UNC13C: variants seen among roughly 807,000 people sequenced by gnomAD.
UNC13C encodes unc-13 homolog C.
In UNC13C, 174 loss-of-function variants were observed where a neutral mutation model predicts 245.4. The observed-to-expected ratio is 0.71, with a 90% CI of 0.63 to 0.80. The LOEUF (loss-of-function observed/expected upper bound fraction) is 0.80, where lower values mean the gene tolerates loss of function less well. Ranked by LOEUF, UNC13C falls within the 30% of genes least tolerant of loss-of-function variation. The pLI is 0.00. For missense variants in UNC13C, 2,829 were observed against 2,602.9 expected, an observed-to-expected ratio of 1.09 and a Z score of -1.89; for synonymous variants, 992 against 895.1, an observed-to-expected ratio of 1.11 and a Z score of -1.93.
chr15:54,344,319 T>C (rs1596256885), intron 17 of UNC13C, among the ~76,000 whole-genome samples: 2 of 152,182 alleles, frequency 1.3e-5, no homozygotes, highest in African/African-American at 4.8e-5. Context: ...CGTAGGTAGT[T>C]CCCATAAAGC....
chr15:54,136,318 T>C (rs1474814717), intron 2 of UNC13C, among the ~76,000 whole-genome samples: 1 of 152,008 alleles, frequency 6.6e-6, no homozygotes, highest in African/African-American at 2.4e-5. Context: ...TTTTTTTGTA[T>C]TGTTTGTAGA....
chr15:53,911,409 A>C, the UNC13C span: 1 of 152,354 alleles, frequency 6.6e-6, no homozygotes, highest in African/African-American at 2.4e-5. Context: ...AAGGTAGAAC[A>C]TGAGCAGCCA....
intron 2 of UNC13C, among the ~76,000 whole-genome samples, chr15:54,024,145 A>G (rs1054412345): frequency 6.6e-6 from 1 of 152,152 alleles, no homozygotes; most frequent in Non-Finnish European, 1.5e-5. Context: ...CAGGAACAAG[A>G]GAGGAGACCG....
chr15:54,038,907 T>G (rs556430801), intron 2 of UNC13C, among the ~76,000 whole-genome samples: 1 of 152,354 alleles, frequency 6.6e-6, no homozygotes, highest in South Asian at 2.1e-4. Context: ...GTGGGCTTGA[T>G]GTAGCCTCTC....
chr15:53,932,881 A>G, the UNC13C span, among the ~76,000 whole-genome samples: 3 of 152,278 alleles, frequency 2.0e-5, no homozygotes, highest in Admixed American at 6.5e-5. Context: ...AATTTTCACA[A>G]AAGAATTTTA....
At chr15:54,406,410 C>T (rs572886) in intron 18 of UNC13C, among the ~76,000 whole-genome samples, 130,124 of 152,130 alleles carry the variant, frequency 0.86, 55,733 homozygotes, top group South Asian at 0.89. Context: ...CTAGGTTTTA[C>T]GTCTTGCTGC....
At chr15:53,902,442 A>G in the UNC13C span, among the ~76,000 whole-genome samples, 1 of 152,340 alleles carries the variant, frequency 6.6e-6, no homozygotes, top group East Asian at 1.9e-4. Context: ...ATAACCTATC[A>G]GTTAGTGATT....
intron 4 of UNC13C, among the ~76,000 whole-genome samples, chr15:54,203,449 TAAAG>T (rs2034586302): frequency 2.7e-5 from 4 of 147,840 alleles, no homozygotes. Context: ...CATGAGTGGA[TAAAG>T]AAAATGTAGT....
At chr15:54,308,621 T>C (rs926447810) in intron 13 of UNC13C, among the ~76,000 whole-genome samples, 1 of 151,780 alleles carries the variant, frequency 6.6e-6, no homozygotes, top group Admixed American at 6.6e-5. Context: ...CAAGTGAAAA[T>C]TTTTATGCTT....
At chr15:53,902,266 A>T in the UNC13C span, among the ~76,000 whole-genome samples, 202 of 152,076 alleles carry the variant, frequency 1.3e-3, no homozygotes, top group African/African-American at 4.8e-3. Context: ...ATACTCCCTA[A>T]CCCTAATCCC....
chr15:53,949,634 T>A, the UNC13C span, among the ~76,000 whole-genome samples: 1 of 152,152 alleles, frequency 6.6e-6, no homozygotes, highest in Non-Finnish European at 1.5e-5. Context: ...ACACCAGGAC[T>A]CTGAGATGAA....
chr15:54,174,187 G>T (rs1474472054), intron 4 of UNC13C, among the ~76,000 whole-genome samples: 7 of 152,036 alleles, frequency 4.6e-5, no homozygotes, highest in African/African-American at 1.7e-4. Flanking sequence ...CTTTGTTTGG[G>T]TTTAGTATAA....
At chr15:54,629,097 T>C (rs771343294), downstream of UNC13C, 1 of 152,178 alleles carries the variant, frequency 6.6e-6, no homozygotes, top group Non-Finnish European at 1.5e-5. Context: ...CGTGGAATAC[T>C]ATGCAGGCAT....
At chr15:54,523,843 G>A (rs892518173) in intron 24 of UNC13C, among the ~76,000 whole-genome samples, 2 of 152,164 alleles carry the variant, frequency 1.3e-5, no homozygotes, top group Admixed American at 1.3e-4. Flanking sequence ...AGCAGGAAGT[G>A]GAGAGCCTGA....
intron 19 of UNC13C, among the ~76,000 whole-genome samples, chr15:54,440,249 C>G (rs1890443603): frequency 6.6e-6 from 1 of 151,960 alleles, no homozygotes; most frequent in Non-Finnish European, 1.5e-5. Context: ...TTTCCTGAGG[C>G]CTTCCCACTT....
chr15:54,364,931 T>C (rs1444681092), intron 17 of UNC13C, among the ~76,000 whole-genome samples: 1 of 152,200 alleles, frequency 6.6e-6, no homozygotes, highest in African/African-American at 2.4e-5. Context: ...ACTGTGCAGA[T>C]GAATGCTTTT....
intron 4 of UNC13C, among the ~76,000 whole-genome samples, chr15:54,187,598 T>C (rs979726900): frequency 1.3e-5 from 2 of 152,272 alleles, no homozygotes; most frequent in East Asian, 3.9e-4. Context: ...CTAACTCCTC[T>C]TCACTGAATC....
chr15:54,434,856 A>G (rs1459387338), intron 19 of UNC13C, among the ~76,000 whole-genome samples: 3 of 152,180 alleles, frequency 2.0e-5, no homozygotes, highest in Non-Finnish European at 2.9e-5. Flanking sequence ...GCTAATATCC[A>G]GAAACCGCAA....
intron 4 of UNC13C, among the ~76,000 whole-genome samples, chr15:54,144,780 T>G (rs1177945006): frequency 6.6e-6 from 1 of 152,226 alleles, no homozygotes; most frequent in Non-Finnish European, 1.5e-5. Context: ...AAATTATTTC[T>G]AATTCATAAT....
Sources: allele counts gnomAD v4.1 joint callset (sites outside exome capture counted in the v4.1 genomes callset), GRCh38; gene constraint gnomAD v4.1.1; transcripts MANE v1.5; gene names NCBI Gene and HGNC (gene_info 2026-07-23, HGNC 2026-07-21).